SLC49A3: variants seen among roughly 807,000 people sequenced by gnomAD.
SLC49A3 encodes the protein solute carrier family 49 member 3, also known as solute carrier family 49 member A3.
Under a neutral mutation model 43.8 loss-of-function variants are expected in SLC49A3, and 50 were observed. The observed-to-expected ratio is 1.14, with a 90% CI of 0.91 to 1.45. The LOEUF is 1.45. Among genes scored for constraint, SLC49A3 ranks in the 40% most tolerant of loss-of-function variants. The pLI, the probability that SLC49A3 is intolerant of heterozygous loss-of-function variation, is 0.00. For synonymous variants in SLC49A3, 413 were observed against 352.0 expected (o/e 1.17, Z -1.94); for missense variants, 906 against 774.1 (o/e 1.17, Z -2.02).
chr4:680,357 AAGG>A, downstream of SLC49A3: 2 of 835,374 alleles, frequency 2.4e-6, no homozygotes, highest in Middle Eastern at 2.9e-4. Context: ...GGGCTCAGGA[AAGG>A]AGAAGGCCTT....
At chr4:686,809 C>T (rs902247087) in intron 1 of SLC49A3, 119 bp from the exon 2 acceptor site, 93 of 1,310,412 alleles carry the variant, frequency 7.1e-5, no homozygotes, top group Non-Finnish European at 9.2e-5. Flanking sequence ...GGGGACACAG[C>T]GAGCTGGACA....
Position 682,293 on chromosome 4 carries a change from G to A in SLC49A3, c.1345C>T (p.Gln449Ter), listed in dbSNP as rs758176197. Residue 449 changes from glutamine to a stop codon, truncating the protein, a stop_gained, in exon 10 of 10, where the codon CAG becomes TAG. Transcript: ENST00000322224. LOFTEE classifies it low-confidence loss of function (END_TRUNC). ...VFFHTPYRRLQAESGEPPSTR... is the reference protein window; with the variant it reads ...VFFHTPYRRL ...GAGGGGGGCTCCCCAGACTCGGCCT[G>A]CAGGCGCCGGTATGGGGTGTGGAAG... 2 of 1,350,478 alleles carry A rather than the reference G, an allele frequency of 1.5e-6. No individual in the cohort carries two copies. The highest frequency in any genetic ancestry group is 9.6e-7 in the Non-Finnish European group (1 of 1,041,854). The allele number at this position is 1,350,478 out of a possible 1,614,324, so 83.7% of individuals were successfully genotyped here. A position where few individuals can be genotyped will look rare whatever the true frequency, so the allele number is the denominator to read the frequency against.
At position 682,779 on chromosome 4, in the gene SLC49A3, A is replaced by G. The variant is rs200954738; in HGVS notation, c.1261+2T>C. On this transcript the variant is annotated splice_donor_variant, in intron 9 of 9. Transcript: ENST00000322224. LOFTEE classifies it high-confidence loss of function. ...CCTGGGGACTCCCCATGTGAGGCTC[A>G]CCTGTCCAGTCAAGTGGATCCTCCC... The G allele has an allele frequency of 2.3e-5, 36 of 1,572,052 alleles. No homozygotes were observed. Among genetic ancestry groups the G allele is most frequent in the African/African-American group, 4.0e-5 (3 of 74,350 alleles).
chr4:682,126 G>A lies in SLC49A3; in HGVS notation c.1512C>T (p.Pro504=). The change falls in exon 10 of 10, where the codon CCC becomes CCT. Residue 504 remains proline, a synonymous_variant. Transcript: ENST00000322224. ...GGTGGCAGGCTGGGTGGGGGCTCCC[G>A]GGCCCTCTGGGGTCCTCTAGCGAGG... is the stretch of plus-strand genomic sequence containing the variant. ...RGASLEDPRG[P]GSPHPACHRA... is the part of the protein sequence containing the mutation. 5 of 1,345,838 alleles carry A rather than the reference G, an allele frequency of 3.7e-6. No homozygotes were observed. The highest frequency in any genetic ancestry group is 2.7e-4 in the Middle Eastern group (1 of 3,640). 83.4% of individuals were successfully genotyped at this position (1,345,838 alleles called of 1,614,324 possible). A position where few individuals can be genotyped will look rare whatever the true frequency, so the allele number is the denominator to read the frequency against.
In SLC49A3 at chr4:686,111, C is replaced by T. The variant is rs769705152; in HGVS notation, c.486G>A (p.Thr162=). 10 of 1,612,936 alleles carry T rather than the reference C, an allele frequency of 6.2e-6. No homozygotes were observed. The East Asian group carries it at 6.7e-5, about 11-fold the overall frequency. ...ALWFPEHQRA[T]ANMLATMSNP... ...CACACATGGTGGCGAGCATGTTGGC[C>T]GTGGCTCGCTGGTGCTCTGGGAACC... Residue 162 remains threonine, a synonymous_variant, in exon 3 of 10, where the codon ACG becomes ACA. Transcript: ENST00000322224.
At chr4:679,025 C>A, downstream of SLC49A3, 1 of 1,613,644 alleles carries the variant, frequency 6.2e-7, no homozygotes, top group Non-Finnish European at 8.5e-7. Context: ...GACACCTATG[C>A]CTCCCTGGGT....
chr4:684,899 C>G, intron 4 of SLC49A3, 43 bp from the exon 5 acceptor site: 5 of 1,587,188 alleles, frequency 3.2e-6, no homozygotes, highest in Non-Finnish European at 4.3e-6. Context: ...CGCAGACTGG[C>G]ACCCACACAC....
upstream of SLC49A3, chr4:689,233 G>C: frequency 1.2e-6 from 1 of 805,220 alleles, no homozygotes; most frequent in Non-Finnish European, 1.6e-6. Flanking sequence ...GGCCGGGCCG[G>C]GCCGGGCCAC....
intron 1 of SLC49A3, among the ~76,000 whole-genome samples, chr4:688,716 A>T (rs1254474771): frequency 6.6e-6 from 1 of 152,108 alleles, no homozygotes; most frequent in African/African-American, 2.4e-5. Context: ...TGGCTGGGGA[A>T]GAGGGACCCA....
intron 1 of SLC49A3, chr4:687,467 T>C (rs1741279406): frequency 6.6e-6 from 1 of 152,230 alleles, no homozygotes; most frequent in Non-Finnish European, 1.5e-5. Flanking sequence ...TTCCTTTTTC[T>C]GCAGGACGGG....
At chr4:682,929 AC>A in intron 8 of SLC49A3, 39 bp from the exon 9 acceptor site, 3 of 1,484,382 alleles carry the variant, frequency 2.0e-6, no homozygotes, top group East Asian at 2.4e-5. Context: ...TGCACTGCCC[AC>A]CCCCTCGGAG....
At position 689,069 on chromosome 4, in the gene SLC49A3, T is replaced by A; in HGVS notation, c.59A>T (p.Gln20Leu). The A allele has an allele frequency of 6.4e-7, 1 of 1,572,194 alleles. No homozygotes were observed. Reference sequence around the variant, plus strand: ...GCGCGCGTAGGTGCGGTGGCCCCGCTGCGCGCACAGGGCCCGGGGCTCGGC... The same window carrying A: ...GCGCGCGTAGGTGCGGTGGCCCCGCAGCGCGCACAGGGCCCGGGGCTCGGC... The part of the protein sequence containing the change: ...GLAEPRALCA[Q>L]RGHRTYARRW... Residue 20 changes from glutamine (Q) to leucine (L), a missense_variant, in exon 1 of 10, where the codon CAG (glutamine) becomes CTG (leucine). By Grantham distance (113) the Gln-to-Leu change is moderately radical (BLOSUM62 -2). Transcript: ENST00000322224.
chr4:682,357 G>C lies in SLC49A3; in HGVS notation c.1281C>G (p.Ala427=). The C allele has an allele frequency of 7.5e-7, 1 of 1,340,450 alleles. No homozygotes were observed. The highest frequency in any genetic ancestry group is 9.7e-7 in the Non-Finnish European group (1 of 1,036,078). 83.0% of individuals were successfully genotyped at this position (1,340,450 alleles called of 1,614,324 possible). The change falls in exon 10 of 10, where the codon GCC becomes GCG. Residue 427 remains alanine, a synonymous_variant. Coordinates refer to ENST00000322224, the MANE Select transcript of SLC49A3 (RefSeq NM_032219.4). ...TGCAGCTGAAGAAGGTGCACAGGCC[G>C]GCCATCAGCAGCAGAGACACTGGGG... is the stretch of plus-strand genomic sequence containing the variant. ...LDWTVSLLLM[A]GLCTFFSCIL...
At position 683,321 on chromosome 4, in the gene SLC49A3, G is replaced by A. The variant is rs148195605; in HGVS notation, c.1040C>T (p.Ser347Leu). Residue 347 changes from serine (S) to leucine (L), a missense_variant, in exon 8 of 10, where the codon TCG becomes TTG. By Grantham distance (145) the Ser-to-Leu change is moderately radical. Coordinates refer to ENST00000322224, the MANE Select transcript of SLC49A3 (RefSeq NM_032219.4). ...CGAGAAGCCAAACAGCCCGAGCAGC[G>A]AGCAGGTGGCAGCCAGGGCAAGGGT... ...GQTLALAATC[S>L]LLGLFGFSVG... 5.7e-5 allele frequency: 92 copies of A among 1,612,344 alleles called. No individual in the cohort carries two copies. The highest frequency in any genetic ancestry group is 7.3e-5 in the Non-Finnish European group (86 of 1,179,750).
At position 684,753 on chromosome 4, in the gene SLC49A3, G is replaced by A. The variant is rs1399614528; in HGVS notation, c.689C>T (p.Ser230Phe). ...PTPPSAGAAS[S>F]TSEKFLDGLK... ...CCCATCCAGGAACTTCTCTGAGGTG[G>A]AGCTGGCAGCCCCGGCAGAGGGCGG... The change falls in exon 5 of 10, where the codon TCC (serine) becomes TTC (phenylalanine). Residue 230 changes from serine to phenylalanine, a missense_variant. By Grantham distance (155) the Ser-to-Phe change is radical. Coordinates refer to ENST00000322224, the MANE Select transcript of SLC49A3 (RefSeq NM_032219.4). 8.1e-6 allele frequency: 13 copies of A among 1,611,922 alleles called. No homozygotes were observed. Among genetic ancestry groups the A allele is most frequent in the Middle Eastern group, 1.7e-4 (1 of 6,058 alleles).
At position 685,771 on chromosome 4, in the gene SLC49A3, A is replaced by T; in HGVS notation, c.585+64T>A. The T allele has an allele frequency of 6.5e-7, 1 of 1,548,892 alleles. No homozygotes were observed. The highest frequency in any genetic ancestry group is 8.9e-7 in the Non-Finnish European group (1 of 1,122,998). On this transcript the variant is annotated intron_variant, in intron 4 of 9. Coordinates refer to ENST00000322224, the MANE Select transcript of SLC49A3 (RefSeq NM_032219.4). This position sits in a 1 kb window ranked among gnomAD's most constrained non-coding sequence, Gnocchi z 4.3. ...GAACACGGACACACTTGGGATCAGG[A>T]ACACACAGACGTGCATGCGCACACA...
chr4:687,550 T>C (rs1741298380), intron 1 of SLC49A3, among the ~76,000 whole-genome samples: 1 of 152,178 alleles, frequency 6.6e-6, no homozygotes, highest in Admixed American at 6.5e-5. Flanking sequence ...AAGCCCACCC[T>C]GCGGAGCCGA....
At chr4:680,247 A>T (rs1739319417), downstream of SLC49A3, among the ~76,000 whole-genome samples, 1 of 151,694 alleles carries the variant, frequency 6.6e-6, no homozygotes, top group Admixed American at 6.6e-5. Context: ...TCTGTCCCTC[A>T]CTCATGCAGC....
At chr4:681,012 C>A, downstream of SLC49A3, 2 of 1,491,674 alleles carry the variant, frequency 1.3e-6, no homozygotes, top group South Asian at 1.2e-5. Context: ...CAACCTGGGG[C>A]CCCTGGAGCA....
Sources: gnomAD v4.1 joint callset for allele counts (sites outside exome capture counted in the v4.1 genomes callset) on GRCh38, gnomAD v4.1.1 for gene constraint, Gnocchi (gnomAD v3.1) non-coding constraint, MANE v1.5 for transcripts, NCBI Gene and HGNC (gene_info 2026-07-23, HGNC 2026-07-21) for gene names.